The following UNC13B variants were observed in gnomAD, a reference collection of about 807,000 sequenced individuals.
UNC13B encodes the protein protein unc-13 homolog B.
In UNC13B, 144 loss-of-function variants were observed where a neutral mutation model predicts 211.0. The observed-to-expected ratio is 0.68, with a 90% CI of 0.60 to 0.78. The LOEUF (loss-of-function observed/expected upper bound fraction) is 0.78, where lower values mean the gene tolerates loss of function less well. UNC13B is among the 30% of genes least tolerant of loss of function. UNC13B has a pLI of 0.00. For synonymous variants in UNC13B, 709 were observed against 725.8 expected, an observed-to-expected ratio of 0.98 and a Z score of 0.37; for missense variants, 1,777 against 2,002.0, an observed-to-expected ratio of 0.89 and a Z score of 2.14.
rs774748048 is a variant in UNC13B, at chr9:35,398,668, C to G, written c.11921+26C>G. On this transcript the variant is annotated intron_variant, in intron 32 of 39. Coordinates refer to ENST00000635942, the MANE Select transcript of UNC13B (RefSeq NM_001371189.2). Reference sequence around the variant, plus strand: ...GTCAGTGACCCCACAATACAAGGCCCTCAGAGCCAGATGTGGTCCCTAGCC... The same window carrying G: ...GTCAGTGACCCCACAATACAAGGCCGTCAGAGCCAGATGTGGTCCCTAGCC... The G allele has an allele frequency of 2.5e-5, 40 of 1,612,228 alleles. No homozygotes were observed. In the South Asian group the frequency reaches 4.1e-4, roughly 16 times the overall value.
chr9:35,259,599 CTT>C (rs1827134173), intron 7 of UNC13B, among the ~76,000 whole-genome samples: 1 of 152,120 alleles, frequency 6.6e-6, no homozygotes, highest in African/African-American at 2.4e-5. Context: ...AAATGATTGA[CTT>C]ATTTCTCCTG....
intron 2 of UNC13B, 85 bp downstream of exon 2, chr9:35,228,129 C>G: frequency 8.3e-7 from 1 of 1,210,488 alleles, no homozygotes; most frequent in Non-Finnish European, 1.2e-6. Flanking sequence ...ATTCATTGAT[C>G]AAATTCAGTA....
chr9:35,396,439 T>G (rs775952550), intron 26 of UNC13B, 37 bp from the exon 27 acceptor site: 11 of 1,613,022 alleles, frequency 6.8e-6, no homozygotes, highest in Non-Finnish European at 8.5e-7. Context: ...TGGCCTCTAC[T>G]GCTGGGACCT....
rs1421027491 is a variant in UNC13B, at chr9:35,301,786, A to T, written c.2382A>T (p.Pro794=). Residue 794 remains proline, a synonymous_variant, in exon 9 of 40, where the codon CCA becomes CCT. Coordinates refer to ENST00000635942, the MANE Select transcript of UNC13B (RefSeq NM_001371189.2). ...CAAATAAAGAGGTATTTTCAAAGCC[A>T]TTAGAGGAGGACAAAGTTACAGGTA... ...RTANKEVFSK[P]LEEDKVTGND... The T allele has an allele frequency of 5.0e-6, 2 of 398,786 alleles. No homozygotes were observed. The highest frequency in any genetic ancestry group is 3.6e-5 in the East Asian group (1 of 28,082). 24.7% of individuals were successfully genotyped at this position (398,786 alleles called of 1,614,324 possible).
At chr9:35,217,383 G>C (rs1824306000) in intron 1 of UNC13B, among the ~76,000 whole-genome samples, 1 of 148,990 alleles carries the variant, frequency 6.7e-6, no homozygotes, top group African/African-American at 2.5e-5. Flanking sequence ...TTTCTTGTTT[G>C]TTTGTTTTTT....
chr9:35,401,239 G>T (rs897551887), intron 37 of UNC13B, among the ~76,000 whole-genome samples: 1 of 152,194 alleles, frequency 6.6e-6, no homozygotes, highest in Admixed American at 6.5e-5. Flanking sequence ...TTACTGAGCT[G>T]TGTGTGAATC....
At chr9:35,197,670 C>T (rs1251939135) in intron 1 of UNC13B, among the ~76,000 whole-genome samples, 1 of 151,548 alleles carries the variant, frequency 6.6e-6, no homozygotes, top group Non-Finnish European at 1.5e-5. Flanking sequence ...AGGTGATGGG[C>T]CATGGGGGCG....
intron 1 of UNC13B, among the ~76,000 whole-genome samples, chr9:35,180,650 G>A (rs1032367903): frequency 2.0e-4 from 30 of 152,106 alleles, no homozygotes; most frequent in African/African-American, 7.2e-4. Context: ...CAGACTTGGG[G>A]TACTTAGCCT....
chr9:35,235,083 G>T (rs145494477), intron 3 of UNC13B, among the ~76,000 whole-genome samples: 1 of 152,110 alleles, frequency 6.6e-6, no homozygotes, highest in African/African-American at 2.4e-5. Context: ...TACTATTTGC[G>T]TATTCTAGTT....
intron 1 of UNC13B, among the ~76,000 whole-genome samples, chr9:35,178,885 C>CA (rs35487632): frequency 0.011 from 643 of 60,416 alleles, 1 homozygote; most frequent in Non-Finnish European, 0.013. Context: ...GAGACAGCCT[C>CA]AAAAAAAAAA....
chr9:35,170,438 T>C (rs1821273170), intron 1 of UNC13B, among the ~76,000 whole-genome samples: 1 of 151,960 alleles, frequency 6.6e-6, no homozygotes, highest in Non-Finnish European at 1.5e-5. Flanking sequence ...AGTGTTGGGA[T>C]TACAGATGTG....
rs189779856 is a variant in UNC13B, at chr9:35,342,321, C to T, written c.9415-24626C>T. 540 of 985,550 alleles carry T rather than the reference C, an allele frequency of 5.5e-4. 4 individuals carry two copies. The highest frequency in any genetic ancestry group is 2.1e-3 in the Admixed American group (34 of 16,260). The allele number at this position is 985,550 out of a possible 1,614,324, so 61.1% of individuals were successfully genotyped here. A position where few individuals can be genotyped will look rare whatever the true frequency, so the allele number is the denominator to read the frequency against. ...AATTTTTTTTTTTAATTTCCTTAACCCTTATTTTGGTTGCAGCAGCAAGGT... is the reference window on the plus strand; with the variant it reads ...AATTTTTTTTTTTAATTTCCTTAACTCTTATTTTGGTTGCAGCAGCAAGGT... On this transcript the variant is annotated intron_variant, in intron 11 of 39. Transcript: ENST00000635942.
intron 11 of UNC13B, chr9:35,353,457 G>T (rs1832843721): frequency 1.6e-6 from 2 of 1,232,268 alleles, no homozygotes; most frequent in East Asian, 6.3e-5. Context: ...TCACTGGAGA[G>T]CCCTGGGAGT....
intron 7 of UNC13B, among the ~76,000 whole-genome samples, chr9:35,272,466 C>T (rs1416821305): frequency 6.6e-6 from 1 of 152,000 alleles, no homozygotes; most frequent in Non-Finnish European, 1.5e-5. Flanking sequence ...CCATGTTGGC[C>T]AGGCTGGCCT....
At chr9:35,209,355 C>T (rs1295712482) in intron 1 of UNC13B, among the ~76,000 whole-genome samples, 12 of 151,828 alleles carry the variant, frequency 7.9e-5, no homozygotes, top group East Asian at 7.8e-4. Context: ...TGAGCTACCA[C>T]GCCCAGCCTC....
intron 30 of UNC13B, 96 bp downstream of exon 30, chr9:35,397,808 A>G: frequency 1.6e-6 from 2 of 1,282,570 alleles, no homozygotes; most frequent in Non-Finnish European, 2.2e-6. Flanking sequence ...TTGGGGTGAC[A>G]CTCCTGATGC....
At position 35,376,102 on chromosome 9, in the gene UNC13B, G is replaced by A. The variant is rs1483614485; in HGVS notation, c.9690G>A (p.Glu3230=). 4.3e-6 allele frequency: 7 copies of A among 1,614,150 alleles called. No individual in the cohort carries two copies. The highest frequency in any genetic ancestry group is 1.7e-5 in the Admixed American group (1 of 60,010). The stretch of plus-strand genomic sequence containing the variant: ...CGTGCACCACTCCTCATAACTTTGA[G>A]GTCTGGACGGCCACTACCCCAACCT... The part of the protein sequence containing the change: ...PISCTTPHNF[E]VWTATTPTYC... Residue 3230 remains glutamate (E), a synonymous_variant, in exon 15 of 40, where the codon GAG becomes GAA. Coordinates refer to ENST00000635942, the MANE Select transcript of UNC13B (RefSeq NM_001371189.2).
chr9:35,384,776 C>T (rs1835082753), intron 22 of UNC13B: 1 of 964,564 alleles, frequency 1.0e-6, no homozygotes, highest in Admixed American at 6.2e-5. Context: ...ATGTCCATTC[C>T]TAGTATAAAG....
rs1260837884 is a variant in UNC13B at position 35,304,612 on chromosome 9, T to C, written c.5208T>C (p.Thr1736=). Reference sequence around the variant, plus strand: ...CTTTGGTTCATCCTGAAAATATGACTAAAGGCTCACAACAAGCAGAAGAGA... The same window carrying C: ...CTTTGGTTCATCCTGAAAATATGACCAAAGGCTCACAACAAGCAGAAGAGA... ...VTTLVHPENM[T]KGSQQAEETS... Residue 1736 remains threonine (T), a synonymous_variant, in exon 9 of 40, where the codon ACT becomes ACC. Coordinates refer to ENST00000635942, the MANE Select transcript of UNC13B (RefSeq NM_001371189.2). 1.0e-5 allele frequency: 4 copies of C among 398,608 alleles called. No individual in the cohort carries two copies. Among genetic ancestry groups the C allele is most frequent in the Non-Finnish European group, 1.8e-5 (4 of 225,916 alleles). 24.7% of individuals were successfully genotyped at this position (398,608 alleles called of 1,614,324 possible).
Sources: allele counts gnomAD v4.1 joint callset (sites outside exome capture counted in the v4.1 genomes callset), GRCh38; gene constraint gnomAD v4.1.1; transcripts MANE v1.5; gene names NCBI Gene and HGNC (gene_info 2026-07-23, HGNC 2026-07-21).